PLPP4: variants seen among roughly 807,000 people sequenced by gnomAD.
PLPP4 encodes the protein phospholipid phosphatase 4, also known as diacylglycerol pyrophosphate like 2.
Under a neutral mutation model 32.2 loss-of-function variants are expected in PLPP4, and 20 were observed. That is an observed-to-expected ratio of 0.62 (90% CI 0.44 to 0.90). The LOEUF (loss-of-function observed/expected upper bound fraction) is 0.90. Ranked by LOEUF, PLPP4 falls within the 40% of genes least tolerant of loss-of-function variation. PLPP4 has a pLI of 0.00. For synonymous variants in PLPP4, 127 were observed against 133.0 expected, an observed-to-expected ratio of 0.95 and a Z score of 0.31; for missense variants, 257 against 353.1, an observed-to-expected ratio of 0.73 and a Z score of 2.18.
chr10:120,525,030 C>T (rs1218060667), intron 5 of PLPP4, among the ~76,000 whole-genome samples: 1 of 152,220 alleles, frequency 6.6e-6, no homozygotes, highest in Admixed American at 6.5e-5. Flanking sequence ...GCAATACTCT[C>T]ATCCAGGTGT....
At chr10:120,532,727 A>T (rs539399320) in intron 5 of PLPP4, among the ~76,000 whole-genome samples, 2 of 152,318 alleles carry the variant, frequency 1.3e-5, no homozygotes, top group African/African-American at 4.8e-5. Flanking sequence ...GAAATAATAC[A>T]ATATATAGTC....
At position 120,457,250 on chromosome 10, in the gene PLPP4, C is replaced by CA; in HGVS notation, c.-56_-55insA. ...GTCTGGCGAGCCGGCGCCGGCCGAG[C>CA]TGCGGGAGCCGCGGAGAGCACCAGC... On this transcript the variant is annotated 5_prime_UTR_variant, in exon 1 of 7. The change creates a new upstream start codon in the 5' untranslated region. Coordinates refer to ENST00000398250, the MANE Select transcript of PLPP4 (RefSeq NM_001030059.3). 1 of 1,386,214 alleles carries CA rather than the reference C, an allele frequency of 7.2e-7. No homozygotes were observed. The allele number at this position is 1,386,214 out of a possible 1,614,324, so 85.9% of individuals were successfully genotyped here. A position where few individuals can be genotyped will look rare whatever the true frequency, so the allele number is the denominator to read the frequency against.
chr10:120,465,522 T>G (rs1393317570), intron 1 of PLPP4, among the ~76,000 whole-genome samples: 2 of 152,242 alleles, frequency 1.3e-5, no homozygotes, highest in African/African-American at 4.8e-5. Context: ...GCATTTAGGT[T>G]GGTTTCTAGA....
chr10:120,561,844 C>A (rs12768236), intron 5 of PLPP4, among the ~76,000 whole-genome samples: 31,021 of 152,194 alleles, frequency 0.2, 3,804 homozygotes, highest in Non-Finnish European at 0.27. Context: ...GAGCTACTCC[C>A]ATGACCACAC....
rs971897072 is a variant in PLPP4 at position 120,580,755 on chromosome 10, A to G, written c.616+5454A>G. 6.5e-5 allele frequency: 38 copies of G among 581,748 alleles called. 1 individual carries two copies. In the South Asian group the frequency reaches 6.9e-4, roughly 10 times the overall value. 36.0% of individuals were successfully genotyped at this position (581,748 alleles called of 1,614,324 possible). On this transcript the variant is annotated intron_variant, in intron 6 of 6. Coordinates refer to ENST00000398250, the MANE Select transcript of PLPP4 (RefSeq NM_001030059.3). ...AGCAATCTGTAGATTTTCTAAATGA[A>G]GTGACTTGAAAAAGATCCCTTGGAA...
chr10:120,575,331 C>T (rs1268369982), intron 6 of PLPP4, 30 bp downstream of exon 6: 1 of 1,599,790 alleles, frequency 6.3e-7, no homozygotes, highest in African/African-American at 1.3e-5. Context: ...CTGACTAGTC[C>T]TCACTGTGGT....
chr10:120,493,087 T>A (rs1046061355), intron 1 of PLPP4, among the ~76,000 whole-genome samples: 4 of 152,218 alleles, frequency 2.6e-5, no homozygotes, highest in African/African-American at 7.2e-5. Context: ...ATCTAATTCA[T>A]TCTCTAATCC....
intron 1 of PLPP4, among the ~76,000 whole-genome samples, chr10:120,472,984 C>T (rs1034750443): frequency 4.0e-5 from 6 of 151,884 alleles, no homozygotes; most frequent in East Asian, 1.9e-4. Context: ...TGAAGTTTTC[C>T]GTCTATTATC....
intron 6 of PLPP4, among the ~76,000 whole-genome samples, chr10:120,582,432 T>C (rs1283879273): frequency 6.6e-6 from 1 of 152,172 alleles, no homozygotes; most frequent in African/African-American, 2.4e-5. Flanking sequence ...ATTTCCCCTC[T>C]TTATAAGGAC....
chr10:120,470,184 C>T (rs1933292064), intron 1 of PLPP4, among the ~76,000 whole-genome samples: 1 of 152,196 alleles, frequency 6.6e-6, no homozygotes, highest in African/African-American at 2.4e-5. Flanking sequence ...CTTCACTTTG[C>T]ATTTCTCTAT....
At chr10:120,575,907 C>A (rs1849202153) in intron 6 of PLPP4, among the ~76,000 whole-genome samples, 1 of 152,188 alleles carries the variant, frequency 6.6e-6, no homozygotes, top group Non-Finnish European at 1.5e-5. Flanking sequence ...CTTCTGCAGA[C>A]AAACTGCAGC....
At position 120,589,575 on chromosome 10, in the gene PLPP4, G is replaced by T; in HGVS notation, c.*73G>T. 1 of 1,200,420 alleles carries T rather than the reference G, an allele frequency of 8.3e-7. No homozygotes were observed. 74.4% of individuals were successfully genotyped at this position (1,200,420 alleles called of 1,614,324 possible). A position where few individuals can be genotyped will look rare whatever the true frequency, so the allele number is the denominator to read the frequency against. On this transcript the variant is annotated 3_prime_UTR_variant, in exon 7 of 7. Coordinates refer to ENST00000398250, the MANE Select transcript of PLPP4 (RefSeq NM_001030059.3). ...CCTGACATCATAACACAATAGAAATGGTTTTCTGTAGTGTATTTTTCATCA... is the reference window on the plus strand; with the variant it reads ...CCTGACATCATAACACAATAGAAATTGTTTTCTGTAGTGTATTTTTCATCA...
At chr10:120,577,519 TG>T (rs1179005941) in intron 6 of PLPP4, among the ~76,000 whole-genome samples, 1 of 152,186 alleles carries the variant, frequency 6.6e-6, no homozygotes, top group Non-Finnish European at 1.5e-5. Context: ...TGTTGGCAAC[TG>T]GGGCTTTGAA....
At position 120,590,333 on chromosome 10, in the gene PLPP4, C is replaced by T. The variant is rs535689146; in HGVS notation, c.*831C>T. Among the ~76,000 whole-genome samples, 1 of 152,264 alleles carries T rather than the reference C, an allele frequency of 6.6e-6. No homozygotes were observed. The highest frequency in any genetic ancestry group is 2.4e-5 in the African/African-American group (1 of 41,554). ...GTGACCGATCTCACAGATCAGAAAC[C>T]GCATGCCTGGGGCTCATCTCAAGGG... On this transcript the variant is annotated 3_prime_UTR_variant, in exon 7 of 7. Transcript: ENST00000398250.
chr10:120,507,584 A>G (rs1196821340), intron 2 of PLPP4, among the ~76,000 whole-genome samples: 1 of 152,246 alleles, frequency 6.6e-6, no homozygotes, highest in Non-Finnish European at 1.5e-5. Context: ...TGGCTGAACC[A>G]GGATCTGAGC....
rs79779874 is a variant in PLPP4, at chr10:120,542,483, C to T, written c.445+21388C>T. On this transcript the variant is annotated intron_variant, in intron 5 of 6. Transcript: ENST00000398250. ...GTTGTCCTAAAAAGTTAGAGGCAAC[C>T]TGGGGACCACTGTTTCCTGGGTCTC... 9.9e-4 allele frequency among the ~76,000 whole-genome samples: 151 copies of T among 152,266 alleles called. 4 individuals carry two copies. The East Asian group carries it at 0.021, about 22-fold the overall frequency.
intron 3 of PLPP4, among the ~76,000 whole-genome samples, 171 bp downstream of exon 3, chr10:120,514,172 C>T (rs1413941922): frequency 2.0e-5 from 3 of 152,138 alleles, no homozygotes; most frequent in East Asian, 1.9e-4. Flanking sequence ...AGCCAACGTG[C>T]GGTCCTAAAT....
intron 5 of PLPP4, among the ~76,000 whole-genome samples, chr10:120,527,857 T>A (rs1266472971): frequency 6.6e-6 from 1 of 152,176 alleles, no homozygotes; most frequent in African/African-American, 2.4e-5. Flanking sequence ...ATAGCATGCA[T>A]CTATGCCAGG....
chr10:120,497,721 G>A (rs1026401877), intron 1 of PLPP4, among the ~76,000 whole-genome samples: 3 of 151,434 alleles, frequency 2.0e-5, no homozygotes, highest in Non-Finnish European at 4.4e-5. Context: ...ACTTTGCCCA[G>A]GAGAAATTAA....
Sources: gnomAD v4.1 joint callset for allele counts (sites outside exome capture counted in the v4.1 genomes callset) on GRCh38, gnomAD v4.1.1 for gene constraint, MANE v1.5 for transcripts, NCBI Gene and HGNC (gene_info 2026-07-23, HGNC 2026-07-21) for gene names.